SLC37A2: variants seen among roughly 807,000 people sequenced by gnomAD.
The protein encoded by SLC37A2 is glucose-6-phosphate exchanger SLC37A2.
Under a neutral mutation model 70.7 loss-of-function variants are expected in SLC37A2, and 59 were observed. That is an observed-to-expected ratio of 0.83 (90% CI 0.68 to 1.04). The LOEUF (loss-of-function observed/expected upper bound fraction) is 1.04, where lower values mean the gene tolerates loss of function less well. Ranked by LOEUF, SLC37A2 falls within the 50% of genes least tolerant of loss-of-function variation. The pLI is 0.00. For synonymous variants in SLC37A2, 257 were observed against 262.1 expected (o/e 0.98, Z 0.19); for missense variants, 580 against 658.1 (o/e 0.88, Z 1.30).
chr11:125,079,211 G>C lies in SLC37A2; in HGVS notation c.414G>C (p.Trp138Cys). The C allele has an allele frequency of 6.2e-7, 1 of 1,614,176 alleles. No individual in the cohort carries two copies. ...CGCTCTTTGGCCTGGGATATTTCTG[G>C]AACATCCACGAGCTCTGGTACTTTG... The part of the protein sequence containing the change: ...FTSLFGLGYF[W>C]NIHELWYFVV... Residue 138 changes from tryptophan (W) to cysteine (C), a missense_variant, in exon 5 of 18, where the codon TGG becomes TGC. By Grantham distance (215) the Trp-to-Cys change is radical (BLOSUM62 -2). Coordinates refer to ENST00000403796, the MANE Select transcript of SLC37A2 (RefSeq NM_001145290.2).
At chr11:125,069,768 C>T (rs1468839043) in intron 1 of SLC37A2, among the ~76,000 whole-genome samples, 1 of 152,228 alleles carries the variant, frequency 6.6e-6, no homozygotes, top group Non-Finnish European at 1.5e-5. Flanking sequence ...TGTGTGGAGA[C>T]AGCTGCAGAC....
At chr11:125,074,027 G>T (rs1431077362) in intron 1 of SLC37A2, among the ~76,000 whole-genome samples, 2 of 152,146 alleles carry the variant, frequency 1.3e-5, no homozygotes, top group Admixed American at 1.3e-4. Context: ...TGAGGCCCCT[G>T]CCCTTCCCAG....
rs1318723248 is a variant in SLC37A2 at position 125,063,607 on chromosome 11, C to T, written c.59+181C>T. Among the ~76,000 whole-genome samples, 2 of 151,862 alleles carry T rather than the reference C, an allele frequency of 1.3e-5. No individual in the cohort carries two copies. Among genetic ancestry groups the T allele is most frequent in the Non-Finnish European group, 2.9e-5 (2 of 68,034 alleles). ...CCCGCCTCGGAGGTTGATAACCCTC[C>T]CTGCCCAACTCCGCCCGCGCTCCCC... On this transcript the variant is annotated intron_variant, in intron 1 of 17. Transcript: ENST00000403796. The surrounding 1 kb of genome is among the most constrained non-coding windows in gnomAD (Gnocchi z 5.4).
chr11:125,067,843 G>T (rs1228161599), intron 1 of SLC37A2, among the ~76,000 whole-genome samples: 1 of 152,064 alleles, frequency 6.6e-6, no homozygotes. Flanking sequence ...GGAACAACCA[G>T]TCATTTTTCT....
In SLC37A2 at chr11:125,076,648, G is replaced by T; in HGVS notation, c.60-109G>T. 4 of 970,324 alleles carry T rather than the reference G, an allele frequency of 4.1e-6. No individual in the cohort carries two copies. The Admixed American group carries it at 5.7e-5, about 14-fold the overall frequency. The allele number at this position is 970,324 out of a possible 1,614,324, so 60.1% of individuals were successfully genotyped here. A position where few individuals can be genotyped will look rare whatever the true frequency, so the allele number is the denominator to read the frequency against. On this transcript the variant is annotated intron_variant, in intron 1 of 17. Transcript: ENST00000403796. ...CTGCACCAAGAAGGAAAGAGTTGGT[G>T]GTCCTCAGGCCCTGGGACTGCCAGA...
chr11:125,083,898 G>T lies in SLC37A2; in HGVS notation c.1039+21G>T. The T allele has an allele frequency of 1.2e-6, 2 of 1,610,852 alleles. No homozygotes were observed. Among genetic ancestry groups the T allele is most frequent in the African/African-American group, 2.7e-5 (2 of 74,972 alleles). The stretch of plus-strand genomic sequence containing the variant: ...CATAGGTGAGGCCTTGCCCTGCTCT[G>T]CCAGCAGGCTCCCTTCCCCTCTTTT... On this transcript the variant is annotated intron_variant, in intron 11 of 17. Coordinates refer to ENST00000403796, the MANE Select transcript of SLC37A2 (RefSeq NM_001145290.2). This position sits in a 1 kb window ranked among gnomAD's most constrained non-coding sequence, Gnocchi z 4.6.
intron 11 of SLC37A2, 135 bp downstream of exon 11, chr11:125,084,012 T>G: frequency 1.0e-6 from 1 of 978,816 alleles, no homozygotes; most frequent in Non-Finnish European, 1.6e-6. Flanking sequence ...GGGTTTATTC[T>G]CAGCTCTGAT....
chr11:125,085,780 A>G, intron 16 of SLC37A2, 106 bp downstream of exon 16: 1 of 1,337,660 alleles, frequency 7.5e-7, no homozygotes, highest in South Asian at 1.2e-5. Flanking sequence ...TGGGGCAATG[A>G]GAGCAGCTGC....
intron 16 of SLC37A2, 109 bp downstream of exon 16, chr11:125,085,783 G>A (rs898374346): frequency 4.0e-5 from 53 of 1,325,024 alleles, no homozygotes; most frequent in Non-Finnish European, 5.0e-5. Context: ...GGCAATGAGA[G>A]CAGCTGCCCT....
intron 1 of SLC37A2, among the ~76,000 whole-genome samples, chr11:125,069,548 C>A (rs1366551593): frequency 6.6e-6 from 1 of 152,202 alleles, no homozygotes. Context: ...TTATAAATTT[C>A]TGTGGAGGGA....
rs531857135 is a variant in SLC37A2, at chr11:125,083,643, A to C, written c.977-172A>C. 6.6e-6 allele frequency among the ~76,000 whole-genome samples: 1 copy of C among 152,224 alleles called. No homozygotes were observed. On this transcript the variant is annotated intron_variant, in intron 10 of 17. Coordinates refer to ENST00000403796, the MANE Select transcript of SLC37A2 (RefSeq NM_001145290.2). This position sits in a 1 kb window ranked among gnomAD's most constrained non-coding sequence, Gnocchi z 4.6. The stretch of plus-strand genomic sequence containing the variant: ...ACGGGACCAAGAGGGCGTCTATCCA[A>C]ACTGCTGCATTCTCACCCTGTGGCC...
At chr11:125,072,606 C>T (rs1309694751) in intron 1 of SLC37A2, among the ~76,000 whole-genome samples, 1 of 152,180 alleles carries the variant, frequency 6.6e-6, no homozygotes, top group Non-Finnish European at 1.5e-5. Context: ...TCTTCTGGGA[C>T]CTCTTGATTC....
rs144034466 is a variant in SLC37A2 at position 125,079,220 on chromosome 11, C to T, written c.423C>T (p.His141=). ...GCCTGGGATATTTCTGGAACATCCA[C>T]GAGCTCTGGTACTTTGTGGTCATCC... The part of the protein sequence containing the change: ...LFGLGYFWNI[H]ELWYFVVIQV... Residue 141 remains histidine (H), a synonymous_variant, in exon 5 of 18, where the codon CAC becomes CAT. Coordinates refer to ENST00000403796, the MANE Select transcript of SLC37A2 (RefSeq NM_001145290.2). The T allele has an allele frequency of 2.5e-5, 41 of 1,614,058 alleles. No individual in the cohort carries two copies. Among genetic ancestry groups the T allele is most frequent in the South Asian group, 1.2e-4 (11 of 91,074 alleles).
rs1220474421 is a variant in SLC37A2, at chr11:125,081,913, A to G, written c.885+7A>G. 1.3e-6 allele frequency: 2 copies of G among 1,598,594 alleles called. No individual in the cohort carries two copies. Among genetic ancestry groups the G allele is most frequent in the Non-Finnish European group, 1.7e-6 (2 of 1,172,676 alleles). Reference sequence around the variant, plus strand: ...TGGGGCGCTCCGGATCCCAGTAAGAAGTTTGTGGAATGGAGGAAAGAGAGG... The same window carrying G: ...TGGGGCGCTCCGGATCCCAGTAAGAGGTTTGTGGAATGGAGGAAAGAGAGG... On this transcript the variant is annotated splice_region_variant and intron_variant, in intron 9 of 17. Coordinates refer to ENST00000403796, the MANE Select transcript of SLC37A2 (RefSeq NM_001145290.2).
In SLC37A2 at chr11:125,079,188, C is replaced by G; in HGVS notation, c.391C>G (p.Leu131Val). ...GCTGCTCAGTGGCCTTTTCACCTCG[C>G]TCTTTGGCCTGGGATATTTCTGGAA... ...GMLLSGLFTS[L>V]FGLGYFWNIH... The change falls in exon 5 of 18, where the codon CTC becomes GTC. Residue 131 changes from leucine (L) to valine (V), a missense_variant. Coordinates refer to ENST00000403796, the MANE Select transcript of SLC37A2 (RefSeq NM_001145290.2). The G allele has an allele frequency of 6.2e-7, 1 of 1,614,214 alleles. No homozygotes were observed. The highest frequency in any genetic ancestry group is 1.6e-4 in the Middle Eastern group (1 of 6,062).
In SLC37A2 at chr11:125,079,239, G is replaced by C; in HGVS notation, c.442G>C (p.Val148Leu). 1 of 1,614,110 alleles carries C rather than the reference G, an allele frequency of 6.2e-7. No homozygotes were observed. Residue 148 changes from valine (V) to leucine (L), a missense_variant, in exon 5 of 18, where the codon GTC (valine) becomes CTC (leucine). Val to Leu is a conservative substitution (Grantham distance 32, BLOSUM62 1). Transcript: ENST00000403796. ...CATCCACGAGCTCTGGTACTTTGTG[G>C]TCATCCAGGTATGAATCACCGTCTT... Reference protein sequence around the residue: ...WNIHELWYFVVIQVCNGLVQT... With the variant: ...WNIHELWYFVLIQVCNGLVQT...
At position 125,081,378 on chromosome 11, in the gene SLC37A2, G is replaced by C. The variant is rs1218798482; in HGVS notation, c.695-43G>C. On this transcript the variant is annotated intron_variant, in intron 7 of 17. Transcript: ENST00000403796. ...TGGCAATCACCTCGGGATTGGGGGGGCGGGGGTTGGGAAACTTCTTAGAAA... is the reference window on the plus strand; with the variant it reads ...TGGCAATCACCTCGGGATTGGGGGGCCGGGGGTTGGGAAACTTCTTAGAAA... 3 of 1,580,300 alleles carry C rather than the reference G, an allele frequency of 1.9e-6. No homozygotes were observed. The African/African-American group carries it at 4.1e-5, about 21-fold the overall frequency.
chr11:125,085,381 C>G lies in SLC37A2; in HGVS notation c.1249-14C>G. 1.2e-6 allele frequency: 2 copies of G among 1,612,782 alleles called. No homozygotes were observed. The highest frequency in any genetic ancestry group is 1.7e-6 in the Non-Finnish European group (2 of 1,179,396). On this transcript the variant is annotated splice_polypyrimidine_tract_variant and intron_variant, in intron 14 of 17. Coordinates refer to ENST00000403796, the MANE Select transcript of SLC37A2 (RefSeq NM_001145290.2). ...TGCTCAGCTGGGCTTCCCCACTCCACTGTCTCTCTCCAGGGGACTCACAAG... is the reference window on the plus strand; with the variant it reads ...TGCTCAGCTGGGCTTCCCCACTCCAGTGTCTCTCTCCAGGGGACTCACAAG...
At position 125,085,052 on chromosome 11, in the gene SLC37A2, C is replaced by T. The variant is rs201343063; in HGVS notation, c.1175-14C>T. 142 of 1,613,890 alleles carry T rather than the reference C, an allele frequency of 8.8e-5. 1 individual carries two copies. The African/African-American group carries it at 1.4e-3, about 16-fold the overall frequency. ...GTGCTGCTTCTCTGACTGGCTGTCT[C>T]TATGCTGTCCCAGTGATGCTGATCA... On this transcript the variant is annotated splice_polypyrimidine_tract_variant and intron_variant, in intron 13 of 17. Transcript: ENST00000403796.
Sources: allele counts gnomAD v4.1 joint callset (sites outside exome capture counted in the v4.1 genomes callset), GRCh38; gene constraint gnomAD v4.1.1; non-coding constraint Gnocchi (gnomAD v3.1); transcripts MANE v1.5; gene names NCBI Gene and HGNC (gene_info 2026-07-23, HGNC 2026-07-21).